The following FRRS1L variants were observed in gnomAD, a reference collection of about 807,000 sequenced individuals.
The protein encoded by FRRS1L is DOMON domain-containing protein FRRS1L.
Under a neutral mutation model 28.6 loss-of-function variants are expected in FRRS1L, and 22 were observed. The observed-to-expected ratio is 0.77, with a 90% CI of 0.55 to 1.10. The LOEUF (loss-of-function observed/expected upper bound fraction) is 1.10. Among genes scored for constraint, FRRS1L ranks in the 50% least tolerant of loss-of-function variants. The pLI is 0.00. For synonymous variants in FRRS1L, 158 were observed against 151.4 expected (o/e 1.04, Z -0.32); for missense variants, 380 against 386.9 (o/e 0.98, Z 0.15).
In FRRS1L at chr9:109,137,284, C is replaced by T. The variant is rs573580811; in HGVS notation, c.*171G>A. On this transcript the variant is annotated 3_prime_UTR_variant, in exon 5 of 5. Transcript: ENST00000561981. ...CCAAAAGTATAGGGTCATTATTAAACAATCTTCTTTGACTACAAAAGAAGC... is the reference window on the plus strand; with the variant it reads ...CCAAAAGTATAGGGTCATTATTAAATAATCTTCTTTGACTACAAAAGAAGC... The T allele has an allele frequency of 3.6e-5, 15 of 412,918 alleles. No homozygotes were observed. The South Asian group carries it at 1.3e-3, about 35-fold the overall frequency. 25.6% of individuals were successfully genotyped at this position (412,918 alleles called of 1,614,324 possible).
At chr9:109,163,846 G>A (rs1198393848) in intron 1 of FRRS1L, among the ~76,000 whole-genome samples, 2 of 152,248 alleles carry the variant, frequency 1.3e-5, no homozygotes, top group African/African-American at 2.4e-5. Context: ...CACTTGCCAC[G>A]TCCTCCAAGG....
chr9:109,143,514 A>AC lies in FRRS1L; in HGVS notation c.463-1926dup, dbSNP rs1006935251. ...CACACACACACGCACACAATAATGC[A>AC]CCTTTTTTTTTTTTTTTTCCCCGAC... On this transcript the variant is annotated intron_variant, in intron 3 of 4. Transcript: ENST00000561981. 3.1e-4 allele frequency among the ~76,000 whole-genome samples: 26 copies of AC among 83,720 alleles called. 1 individual carries two copies. The highest frequency in any genetic ancestry group is 1.7e-3 in the Admixed American group (10 of 5,826). 54.9% of individuals were successfully genotyped at this position (83,720 alleles called of 152,430 possible).
intron 4 of FRRS1L, chr9:109,139,654 C>T (rs1253254540): frequency 1.3e-5 from 2 of 152,100 alleles, no homozygotes; most frequent in South Asian, 2.1e-4. Flanking sequence ...TTTCTCCAGG[C>T]TGAGATATAA....
rs116952960 is a variant in FRRS1L, at chr9:109,159,540, C to T, written c.238+7361G>A. Reference sequence around the variant, plus strand: ...ATTTGCCAGGCATGGTGGGACCCACCTGTAATCCCAGCTACTTGGGAAGCT... The same window carrying T: ...ATTTGCCAGGCATGGTGGGACCCACTTGTAATCCCAGCTACTTGGGAAGCT... On this transcript the variant is annotated intron_variant, in intron 1 of 4. Transcript: ENST00000561981. Among the ~76,000 whole-genome samples, 567 of 152,330 alleles carry T rather than the reference C, an allele frequency of 3.7e-3. 27 individuals are homozygous for T. The East Asian group carries it at 0.091, about 24-fold the overall frequency.
Position 109,136,619 on chromosome 9 carries a change from C to G in FRRS1L, c.*836G>C, listed in dbSNP as rs1831114330. The G allele has an allele frequency of 6.6e-6, 1 of 152,200 alleles. No individual in the cohort carries two copies. The allele number at this position is 152,200 out of a possible 1,614,324, so 9.4% of individuals were successfully genotyped here. A position where few individuals can be genotyped will look rare whatever the true frequency, so the allele number is the denominator to read the frequency against. On this transcript the variant is annotated 3_prime_UTR_variant, in exon 5 of 5. Coordinates refer to ENST00000561981, the MANE Select transcript of FRRS1L (RefSeq NM_014334.4). ...CACTGCAACCTCCGCCTCCTGGGTTCCAGCAATTCTCCTGCCTCAGCCTCC... is the reference window on the plus strand; with the variant it reads ...CACTGCAACCTCCGCCTCCTGGGTTGCAGCAATTCTCCTGCCTCAGCCTCC...
At chr9:109,149,054 CA>C (rs1318193640) in intron 2 of FRRS1L, among the ~76,000 whole-genome samples, 1 of 152,086 alleles carries the variant, frequency 6.6e-6, no homozygotes. Context: ...GTAAAGGGTT[CA>C]AAGGAGGAGG....
In FRRS1L at chr9:109,134,201, T is replaced by C. The variant is rs1831086973; in HGVS notation, c.*3254A>G. The stretch of plus-strand genomic sequence containing the variant: ...TGCCATAGAAGTATAGTTTCACATA[T>C]AGATTCATTCCACAAATGTTTGCTG... On this transcript the variant is annotated 3_prime_UTR_variant, in exon 5 of 5. Transcript: ENST00000561981. 6.6e-6 allele frequency: 1 copy of C among 152,226 alleles called. No homozygotes were observed. Among genetic ancestry groups the C allele is most frequent in the Non-Finnish European group, 1.5e-5 (1 of 68,038 alleles). 9.4% of individuals were successfully genotyped at this position (152,226 alleles called of 1,614,324 possible).
rs142212307 is a variant in FRRS1L at position 109,165,586 on chromosome 9, C to T, written c.238+1315G>A. 6.3e-3 allele frequency among the ~76,000 whole-genome samples: 959 copies of T among 152,332 alleles called. 8 individuals carry two copies. Among genetic ancestry groups the T allele is most frequent in the Middle Eastern group, 0.02 (6 of 294 alleles). ...TCAGCAGTTAAGCCTCTACTTAATA[C>T]ATTTCCCCAAATCCATTCTCTCCAT... On this transcript the variant is annotated intron_variant, in intron 1 of 4. Coordinates refer to ENST00000561981, the MANE Select transcript of FRRS1L (RefSeq NM_014334.4).
chr9:109,137,604 C>A lies in FRRS1L; in HGVS notation c.733G>T (p.Asp245Tyr). The change falls in exon 5 of 5, where the codon GAC (aspartate) becomes TAC (tyrosine). Residue 245 changes from aspartate to tyrosine, a missense_variant. Transcript: ENST00000561981. ...ACACGCTCTGAAGCCGGCGGTGAGTCTATATCATGTCGAGTGATAGAGCCT... is the reference window on the plus strand; with the variant it reads ...ACACGCTCTGAAGCCGGCGGTGAGTATATATCATGTCGAGTGATAGAGCCT... ...IQGSITRHDI[D>Y]SPPASERVVS... The A allele has an allele frequency of 6.2e-7, 1 of 1,600,210 alleles. No individual in the cohort carries two copies. Among genetic ancestry groups the A allele is most frequent in the Non-Finnish European group, 8.5e-7 (1 of 1,172,054 alleles).
At position 109,148,529 on chromosome 9, in the gene FRRS1L, A is replaced by C. The variant is rs1205860680; in HGVS notation, c.323+1107T>G. 4 of 152,250 alleles carry C rather than the reference A, an allele frequency of 2.6e-5. No individual in the cohort carries two copies. The East Asian group carries it at 7.7e-4, about 29-fold the overall frequency. 9.4% of individuals were successfully genotyped at this position (152,250 alleles called of 1,614,324 possible). On this transcript the variant is annotated intron_variant, in intron 2 of 4. Coordinates refer to ENST00000561981, the MANE Select transcript of FRRS1L (RefSeq NM_014334.4). ...CATTTGCAGAATGGTAGAAAGTTGA[A>C]GCAATGGGTGGGACAATATACGCGC... is the stretch of plus-strand genomic sequence containing the variant.
chr9:109,163,943 A>T (rs2118516358), intron 1 of FRRS1L, among the ~76,000 whole-genome samples: 1 of 152,230 alleles, frequency 6.6e-6, no homozygotes, highest in Non-Finnish European at 1.5e-5. Flanking sequence ...ACCATCGATA[A>T]TTTTGAGCCT....
intron 1 of FRRS1L, 47 bp from the exon 2 acceptor site, chr9:109,149,767 T>C (rs1293025746): frequency 8.0e-7 from 1 of 1,254,728 alleles, no homozygotes; most frequent in East Asian, 2.3e-5. Context: ...GTAACAACTG[T>C]TCCAATGAGA....
At chr9:109,141,986 T>C (rs1267565064) in intron 3 of FRRS1L, among the ~76,000 whole-genome samples, 1 of 151,344 alleles carries the variant, frequency 6.6e-6, no homozygotes, top group Non-Finnish European at 1.5e-5. Flanking sequence ...AAGAAACTAT[T>C]TCAAAATATA....
chr9:109,157,285 A>G (rs1286152438), intron 1 of FRRS1L, among the ~76,000 whole-genome samples: 1 of 152,154 alleles, frequency 6.6e-6, no homozygotes, highest in African/African-American at 2.4e-5. Flanking sequence ...GGCTGATTTT[A>G]GTGGATCTTA....
intron 3 of FRRS1L, among the ~76,000 whole-genome samples, chr9:109,145,188 A>G (rs1435364781): frequency 6.6e-6 from 1 of 152,190 alleles, no homozygotes; most frequent in Admixed American, 6.5e-5. Context: ...ATGGGGCTCC[A>G]GAGGAAAGAG....
At chr9:109,138,367 T>G (rs1190387999) in intron 4 of FRRS1L, 1 of 152,242 alleles carries the variant, frequency 6.6e-6, no homozygotes, top group African/African-American at 2.4e-5. Flanking sequence ...TTCAGTTGAT[T>G]AAAAGTGTCT....
intron 1 of FRRS1L, chr9:109,151,013 T>A (rs1019839597): frequency 2.0e-5 from 3 of 152,242 alleles, no homozygotes; most frequent in African/African-American, 4.8e-5. Flanking sequence ...CTACTTTTTT[T>A]AAAGTGAGGC....
chr9:109,149,568 T>C (rs1831303601), intron 2 of FRRS1L, 68 bp downstream of exon 2: 3 of 1,085,960 alleles, frequency 2.8e-6, no homozygotes. Context: ...CTGCATGCAA[T>C]TTAAATACTA....
intron 1 of FRRS1L, among the ~76,000 whole-genome samples, chr9:109,157,725 A>G (rs906354654): frequency 2.0e-5 from 3 of 152,186 alleles, no homozygotes; most frequent in African/African-American, 7.2e-5. Flanking sequence ...ATTTTGCTGT[A>G]CACCATTTCC....
Sources: allele counts gnomAD v4.1 joint callset (sites outside exome capture counted in the v4.1 genomes callset), GRCh38; gene constraint gnomAD v4.1.1; transcripts MANE v1.5; gene names NCBI Gene and HGNC (gene_info 2026-07-23, HGNC 2026-07-21).